FHDC1: variants seen among roughly 807,000 people sequenced by gnomAD.
FHDC1 encodes the protein FH2 domain containing 1, also known as FH2 domain-containing protein 1.
In FHDC1, 25 loss-of-function variants were observed where a neutral mutation model predicts 52.6. The observed-to-expected ratio is 0.48, with a 90% CI of 0.35 to 0.66. The LOEUF (loss-of-function observed/expected upper bound fraction) is 0.66, where lower values mean the gene tolerates loss of function less well. Ranked by LOEUF, FHDC1 falls within the 30% of genes least tolerant of loss-of-function variation. FHDC1 has a pLI of 0.01. For missense variants in FHDC1, 1,459 were observed against 1,452.8 expected, an observed-to-expected ratio of 1.00 and a Z score of -0.07; for synonymous variants, 616 against 581.5, an observed-to-expected ratio of 1.06 and a Z score of -0.85.
At position 152,972,355 on chromosome 4, in the gene FHDC1, G is replaced by A. The variant is rs1421464169; in HGVS notation, c.1219-22G>A. On this transcript the variant is annotated intron_variant, in intron 10 of 11. Transcript: ENST00000511601. ...CAGCTGACAACGTTTACCTCAGTGT[G>A]TGTTCGTTTGTTTTTCCGCAGTTTG... The A allele has an allele frequency of 2.5e-6, 4 of 1,589,650 alleles. No individual in the cohort carries two copies. In the Admixed American group the frequency reaches 5.6e-5, roughly 22 times the overall value.
rs58783965 is a variant in FHDC1 at position 152,963,769 on chromosome 4, G to GTTTTTTTTTTTTTT, written c.1029+660_1029+673dup. On this transcript the variant is annotated intron_variant, in intron 8 of 11. Transcript: ENST00000511601. ...GGAGTCTGATCCTATCCATTGCTTTGTTTTTTTTTTTTTTTTTTTTTTTTT... is the reference window on the plus strand; with the variant it reads ...GGAGTCTGATCCTATCCATTGCTTTGTTTTTTTTTTTTTTTTTTTTTTTTTTTTTTTTTTTTTTT... Among the ~76,000 whole-genome samples the GTTTTTTTTTTTTTT allele has an allele frequency of 3.3e-4, 17 of 51,802 alleles. 2 individuals are homozygous for GTTTTTTTTTTTTTT. The highest frequency in any genetic ancestry group is 9.1e-4 in the African/African-American group (14 of 15,446). 34.0% of individuals were successfully genotyped at this position (51,802 alleles called of 152,430 possible). A position where few individuals can be genotyped will look rare whatever the true frequency, so the allele number is the denominator to read the frequency against.
At chr4:152,951,799 T>C (rs569783114) in intron 2 of FHDC1, among the ~76,000 whole-genome samples, 35 of 152,320 alleles carry the variant, frequency 2.3e-4, no homozygotes, top group Middle Eastern at 3.4e-3. Flanking sequence ...CAGGTTATCT[T>C]TCCTCCACGC....
At chr4:152,915,509 G>A in the FHDC1 span, among the ~76,000 whole-genome samples, 1 of 152,178 alleles carries the variant, frequency 6.6e-6, no homozygotes, top group East Asian at 1.9e-4. Context: ...TGCTTGCACT[G>A]CAATTTCATT....
At chr4:152,913,729 G>A in the FHDC1 span, among the ~76,000 whole-genome samples, 2,504 of 151,998 alleles carry the variant, frequency 0.016, 73 homozygotes, top group African/African-American at 0.057. Flanking sequence ...CCCAGGCTGC[G>A]GTGCAATGGC....
rs182401283 is a variant in FHDC1, at chr4:152,961,466, G to A, written c.850+622G>A. On this transcript the variant is annotated intron_variant, in intron 6 of 11. Transcript: ENST00000511601. ...AATTCTTGCCTGCCCAGCTTGGATA[G>A]CCTCTTCTCAGAGCTGCCCTGCCGT... Among the ~76,000 whole-genome samples, 9 of 152,306 alleles carry A rather than the reference G, an allele frequency of 5.9e-5. No individual in the cohort carries two copies. In the East Asian group the frequency reaches 1.7e-3, roughly 29 times the overall value.
intron 8 of FHDC1, among the ~76,000 whole-genome samples, 198 bp downstream of exon 8, chr4:152,963,328 G>A (rs1008784938): frequency 6.6e-6 from 1 of 152,196 alleles, no homozygotes; most frequent in African/African-American, 2.4e-5. Flanking sequence ...GAAGGGAAGT[G>A]GGAGAGTGAA....
chr4:152,962,617 A>G (rs1740312332), intron 6 of FHDC1, among the ~76,000 whole-genome samples, 197 bp from the exon 7 acceptor site: 1 of 152,236 alleles, frequency 6.6e-6, no homozygotes, highest in Admixed American at 6.5e-5. Context: ...AGTAAACACT[A>G]TGACACGGAT....
In FHDC1 at chr4:152,959,780, A is replaced by C. The variant is rs143758841; in HGVS notation, c.664-785A>C. On this transcript the variant is annotated intron_variant, in intron 4 of 11. Transcript: ENST00000511601. The stretch of plus-strand genomic sequence containing the variant: ...GAGGTTAATAGATACCTTTTAAAAA[A>C]ATTTATAGAAATAGATGTACATATA... Among the ~76,000 whole-genome samples the C allele has an allele frequency of 3.3e-3, 495 of 152,258 alleles. 7 individuals carry two copies. Among genetic ancestry groups the C allele is most frequent in the African/African-American group, 0.011 (461 of 41,520 alleles).
chr4:152,930,998 C>CACACACTCTT, the FHDC1 span, among the ~76,000 whole-genome samples: 3 of 91,008 alleles, frequency 3.3e-5, no homozygotes, highest in South Asian at 6.4e-4. Context: ...CACACACACA[C>CACACACTCTT]TCTCTCTCTC....
In FHDC1 at chr4:152,937,006, G is replaced by A. The variant is rs1267868809; in HGVS notation, c.-131+597G>A. 3.3e-5 allele frequency among the ~76,000 whole-genome samples: 5 copies of A among 152,354 alleles called. 1 individual carries two copies. Among genetic ancestry groups the A allele is most frequent in the Middle Eastern group, 6.8e-3 (2 of 294 alleles). ...AACTTGCTCCGGCCGCGCGAAGTTCGGATTGCAAGTTGCGCCCCGCGCCTG... is the reference window on the plus strand; with the variant it reads ...AACTTGCTCCGGCCGCGCGAAGTTCAGATTGCAAGTTGCGCCCCGCGCCTG... On this transcript the variant is annotated intron_variant, in intron 1 of 11. Transcript: ENST00000511601.
intron 9 of FHDC1, among the ~76,000 whole-genome samples, chr4:152,966,841 T>A (rs1740471759): frequency 6.6e-6 from 1 of 152,186 alleles, no homozygotes; most frequent in South Asian, 2.1e-4. Context: ...GAATTAGGGC[T>A]GGCTGTGGTG....
intron 1 of FHDC1, among the ~76,000 whole-genome samples, chr4:152,940,021 A>C (rs1739532208): frequency 6.6e-6 from 1 of 152,218 alleles, no homozygotes; most frequent in Non-Finnish European, 1.5e-5. Flanking sequence ...GCGTACCTGG[A>C]GAGTGTGTGT....
intron 1 of FHDC1, among the ~76,000 whole-genome samples, chr4:152,940,007 C>A (rs1739531326): frequency 6.6e-6 from 1 of 152,246 alleles, no homozygotes; most frequent in African/African-American, 2.4e-5. Context: ...CCTGCGTTCT[C>A]CTAGCGTACC....
rs1202273877 is a variant in FHDC1 at position 152,936,513 on chromosome 4, A to T, written c.-131+104A>T. ...GGTCAGGGTTGGGGTGTTGTCCGGG[A>T]CCCGAGGCTGAGGCGCCGAGAAGCG... On this transcript the variant is annotated intron_variant, in intron 1 of 11. Coordinates refer to ENST00000511601, the MANE Select transcript of FHDC1 (RefSeq NM_001371116.1). The T allele has an allele frequency of 3.3e-5, 5 of 152,160 alleles. No homozygotes were observed. The East Asian group carries it at 9.7e-4, about 30-fold the overall frequency. 9.4% of individuals were successfully genotyped at this position (152,160 alleles called of 1,614,324 possible).
the FHDC1 span, among the ~76,000 whole-genome samples, chr4:152,923,327 A>T: frequency 1.3e-5 from 2 of 152,212 alleles, no homozygotes; most frequent in Non-Finnish European, 2.9e-5. Flanking sequence ...CTTCAAGGAG[A>T]ACTACAAACC....
the FHDC1 span, among the ~76,000 whole-genome samples, chr4:152,930,987 ACACACACACACTCTCT>A: frequency 6.9e-6 from 1 of 145,718 alleles, no homozygotes; most frequent in Non-Finnish European, 1.5e-5. Context: ...ACACACACAC[ACACACACACACTCTCT>A]CTCTCTCTCT....
At chr4:152,939,795 C>T (rs557672790) in intron 1 of FHDC1, among the ~76,000 whole-genome samples, 1 of 152,314 alleles carries the variant, frequency 6.6e-6, no homozygotes, top group African/African-American at 2.4e-5. Context: ...TCAGCCTTAG[C>T]AGCTACCTCA....
At position 152,960,641 on chromosome 4, in the gene FHDC1, A is replaced by T; in HGVS notation, c.740A>T (p.Gln247Leu). ...LADSFLYGLI[Q>L]VPNYSLRIEA... ...GATTCCTTTCTGTATGGCTTAATTCAGGTGCCAAAGTAAGGATACAGTCGC... is the reference window on the plus strand; with the variant it reads ...GATTCCTTTCTGTATGGCTTAATTCTGGTGCCAAAGTAAGGATACAGTCGC... The change falls in exon 5 of 12, where the codon CAG becomes CTG. Residue 247 changes from glutamine (Q) to leucine (L), a missense_variant. Gln to Leu is a moderately radical substitution (Grantham distance 113). Transcript: ENST00000511601. The T allele has an allele frequency of 6.2e-7, 1 of 1,614,114 alleles. No homozygotes were observed. The highest frequency in any genetic ancestry group is 1.1e-5 in the South Asian group (1 of 91,062).
At chr4:152,959,549 T>G (rs1309486744) in intron 4 of FHDC1, among the ~76,000 whole-genome samples, 1 of 152,250 alleles carries the variant, frequency 6.6e-6, no homozygotes, top group Non-Finnish European at 1.5e-5. Context: ...AGCAGACAAC[T>G]GTAATCCTAT....
Sources: gnomAD v4.1 joint callset for allele counts (sites outside exome capture counted in the v4.1 genomes callset) on GRCh38, gnomAD v4.1.1 for gene constraint, MANE v1.5 for transcripts, NCBI Gene and HGNC (gene_info 2026-07-23, HGNC 2026-07-21) for gene names.